DPP6: variants seen among roughly 807,000 people sequenced by gnomAD.
The protein encoded by DPP6 is A-type potassium channel modulatory protein DPP6.
Under a neutral mutation model 122.6 loss-of-function variants are expected in DPP6, and 69 were observed. That is an observed-to-expected ratio of 0.56 (90% CI 0.46 to 0.69). DPP6 has a LOEUF of 0.69. Ranked by LOEUF, DPP6 falls within the 30% of genes least tolerant of loss-of-function variation. DPP6 has a pLI of 0.00. For missense variants in DPP6, 928 were observed against 1,116.9 expected (o/e 0.83, Z 2.41); for synonymous variants, 418 against 433.1 (o/e 0.97, Z 0.43).
At chr7:154,184,363 A>G (rs146966150) in intron 1 of DPP6, among the ~76,000 whole-genome samples, 2,534 of 152,012 alleles carry the variant, frequency 0.017, 36 homozygotes, top group South Asian at 0.028. Flanking sequence ...CTCCCCTCTG[A>G]TTCCCAGAGG....
At chr7:154,315,110 T>C (rs909133303) in intron 1 of DPP6, among the ~76,000 whole-genome samples, 48 of 152,250 alleles carry the variant, frequency 3.2e-4, no homozygotes, top group African/African-American at 1.1e-3. Context: ...ATGTTACCGT[T>C]GTGTATCTCC....
At chr7:153,943,400 T>A (rs891918692) in intron 1 of DPP6, among the ~76,000 whole-genome samples, 1 of 152,138 alleles carries the variant, frequency 6.6e-6, no homozygotes, top group African/African-American at 2.4e-5. Context: ...GGTACTTGAG[T>A]CCTATACCAG....
At chr7:154,390,069 T>C (rs10268129) in intron 1 of DPP6, among the ~76,000 whole-genome samples, 105,805 of 151,934 alleles carry the variant, frequency 0.7, 38,013 homozygotes, top group South Asian at 0.8. Flanking sequence ...GGTATGAGTG[T>C]GGAAAGGAGC....
chr7:154,370,834 C>T (rs181273313), intron 1 of DPP6, among the ~76,000 whole-genome samples: 14 of 152,280 alleles, frequency 9.2e-5, no homozygotes, highest in African/African-American at 2.9e-4. Context: ...ACACACTACA[C>T]GAGAAGTCAT....
At chr7:153,880,318 T>C in the DPP6 span, among the ~76,000 whole-genome samples, 5 of 152,236 alleles carry the variant, frequency 3.3e-5, no homozygotes, top group African/African-American at 4.8e-5. Flanking sequence ...AAAATAGATA[T>C]GTAAAGTAAT....
chr7:154,338,830 T>A (rs553331289), intron 1 of DPP6, among the ~76,000 whole-genome samples: 10 of 152,214 alleles, frequency 6.6e-5, no homozygotes, highest in African/African-American at 2.2e-4. Context: ...CTTTTTTCCC[T>A]TCTGAACATG....
rs199673849 is a variant in DPP6, at chr7:154,207,952, CAAA to C, written c.243+154902_243+154904del. Among the ~76,000 whole-genome samples, 364 of 114,034 alleles carry C rather than the reference CAAA, an allele frequency of 3.2e-3. 3 individuals carry two copies. The East Asian group carries it at 0.04, about 13-fold the overall frequency. 74.8% of individuals were successfully genotyped at this position (114,034 alleles called of 152,430 possible). On this transcript the variant is annotated intron_variant, in intron 1 of 25. Transcript: ENST00000377770. ...CCTGGGCAACAGAGTGAGACTGCCT[CAAA>C]AAAAAAAAAAAATTTAAGAATATGT...
intron 1 of DPP6, among the ~76,000 whole-genome samples, chr7:154,030,918 C>T (rs939564234): frequency 9.9e-5 from 15 of 152,232 alleles, no homozygotes; most frequent in East Asian, 7.7e-4. Flanking sequence ...CACAAAATAA[C>T]GTAAGCCCCC....
At chr7:154,505,386 G>C (rs1825586517) in intron 3 of DPP6, among the ~76,000 whole-genome samples, 1 of 152,160 alleles carries the variant, frequency 6.6e-6, no homozygotes, top group Non-Finnish European at 1.5e-5. Flanking sequence ...TAATAGTATT[G>C]ATATAATGCA....
upstream of DPP6, among the ~76,000 whole-genome samples, chr7:154,051,746 C>A (rs1344741679): frequency 6.6e-6 from 1 of 150,726 alleles, no homozygotes; most frequent in East Asian, 2.0e-4. Context: ...CCGCGAGGGG[C>A]GCCTGGGCCT....
At chr7:154,443,673 G>A (rs1452622943) in intron 1 of DPP6, among the ~76,000 whole-genome samples, 3 of 149,618 alleles carry the variant, frequency 2.0e-5, no homozygotes, top group Admixed American at 2.0e-4. Flanking sequence ...TGGATGGATG[G>A]ATGAGTGGAT....
At chr7:154,823,022 A>G (rs562841694) in intron 16 of DPP6, among the ~76,000 whole-genome samples, 423 of 152,344 alleles carry the variant, frequency 2.8e-3, no homozygotes, top group Non-Finnish European at 4.7e-3. Context: ...TTTGGGGCCA[A>G]TGCAGACCTA....
intron 4 of DPP6, among the ~76,000 whole-genome samples, chr7:154,544,400 G>A (rs1430877058): frequency 6.6e-6 from 1 of 152,134 alleles, no homozygotes; most frequent in African/African-American, 2.4e-5. Flanking sequence ...AAAGGCTGCT[G>A]CCCAGTTCTA....
chr7:154,822,188 G>C (rs890534975), intron 16 of DPP6, among the ~76,000 whole-genome samples: 1 of 152,202 alleles, frequency 6.6e-6, no homozygotes, highest in Non-Finnish European at 1.5e-5. Flanking sequence ...ACTGATATCT[G>C]TGCAGCAGCC....
At chr7:154,852,540 T>TCCTCCCTC (rs1563283491) in intron 16 of DPP6, among the ~76,000 whole-genome samples, 2 of 56,402 alleles carry the variant, frequency 3.5e-5, no homozygotes, top group African/African-American at 1.1e-4. Context: ...TCTCCTGCCT[T>TCCTCCCTC]TCCTGCCTCT....
At chr7:153,891,164 G>A (rs2128993564) in intron 1 of DPP6, among the ~76,000 whole-genome samples, 1 of 151,582 alleles carries the variant, frequency 6.6e-6, no homozygotes, top group African/African-American at 2.4e-5. Flanking sequence ...TAGGACTACA[G>A]GCGCCCACCA....
rs111836015 is a variant in DPP6, at chr7:154,590,350, T to C, written c.627+23434T>C. Reference sequence around the variant, plus strand: ...TTACAACCTGGTCTTCTGAAACTTATTTTTTTATGCTTTTACATCTCCTAC... The same window carrying C: ...TTACAACCTGGTCTTCTGAAACTTACTTTTTTATGCTTTTACATCTCCTAC... On this transcript the variant is annotated intron_variant, in intron 5 of 25. Transcript: ENST00000377770. 6.0e-3 allele frequency among the ~76,000 whole-genome samples: 905 copies of C among 151,768 alleles called. 6 individuals carry two copies. Among genetic ancestry groups the C allele is most frequent in the South Asian group, 0.018 (84 of 4,792 alleles).
In DPP6 at chr7:154,131,251, G is replaced by A. The variant is rs368607696; in HGVS notation, c.243+78188G>A. ...GCTATTTTAAGCTGAAATTCTCCAC[G>A]GCTCCCAGAAGGGGTGTGATATGCA... On this transcript the variant is annotated intron_variant, in intron 1 of 25. Coordinates refer to ENST00000377770, the MANE Select transcript of DPP6 (RefSeq NM_130797.4). Among the ~76,000 whole-genome samples, 12 of 152,150 alleles carry A rather than the reference G, an allele frequency of 7.9e-5. No homozygotes were observed. In the South Asian group the frequency reaches 1.7e-3, roughly 21 times the overall value.
At chr7:153,940,342 C>T (rs749678399) in intron 1 of DPP6, among the ~76,000 whole-genome samples, 8 of 152,042 alleles carry the variant, frequency 5.3e-5, no homozygotes, top group African/African-American at 7.2e-5. Flanking sequence ...TTGATATGGA[C>T]AAAACACGCC....
Sources: allele counts gnomAD v4.1 joint callset (sites outside exome capture counted in the v4.1 genomes callset), GRCh38; gene constraint gnomAD v4.1.1; transcripts MANE v1.5; gene names NCBI Gene and HGNC (gene_info 2026-07-23, HGNC 2026-07-21).